Variants in BRDT observed in about 807,000 individuals in gnomAD.
The protein encoded by BRDT is bromodomain testis associated, also known as bromodomain testis-specific protein.
Under a neutral mutation model 113.9 loss-of-function variants are expected in BRDT, and 77 were observed. The observed-to-expected ratio is 0.68, with a 90% CI of 0.56 to 0.82. BRDT has a LOEUF of 0.82. BRDT is among the 40% of genes least tolerant of loss of function. The pLI is 0.00. For missense variants in BRDT, 1,027 were observed against 1,105.4 expected, an observed-to-expected ratio of 0.93 and a Z score of 1.01; for synonymous variants, 358 against 366.5, an observed-to-expected ratio of 0.98 and a Z score of 0.26.
At chr1:91,990,827 TC>T (rs1685683118) in intron 12 of BRDT, among the ~76,000 whole-genome samples, 1 of 152,218 alleles carries the variant, frequency 6.6e-6, no homozygotes, top group Admixed American at 6.5e-5. Context: ...AGACAGAGTC[TC>T]ACTCTCTTGC....
At chr1:91,962,055 G>A (rs35454709) in intron 1 of BRDT, among the ~76,000 whole-genome samples, 1 of 147,120 alleles carries the variant, frequency 6.8e-6, no homozygotes, top group Non-Finnish European at 1.5e-5. Flanking sequence ...GGAGGCAGGA[G>A]AATGGCGTGA....
chr1:91,983,094 A>G (rs1641439954), intron 12 of BRDT, among the ~76,000 whole-genome samples: 2 of 152,162 alleles, frequency 1.3e-5, no homozygotes, highest in African/African-American at 4.8e-5. Flanking sequence ...CAGAGTTTTC[A>G]ATAAAGTACC....
chr1:91,983,705 T>G (rs1239856427), intron 12 of BRDT, among the ~76,000 whole-genome samples: 1 of 151,788 alleles, frequency 6.6e-6, no homozygotes, highest in African/African-American at 2.4e-5. Context: ...TTTTTTTTTT[T>G]TGAGACGGAT....
intron 18 of BRDT, among the ~76,000 whole-genome samples, chr1:92,009,323 T>TTATA (rs148636201): frequency 1.3e-5 from 2 of 151,828 alleles, no homozygotes; most frequent in Non-Finnish European, 2.9e-5. Context: ...TAGTGTTCCA[T>TTATA]TATATATATA....
At chr1:91,972,015 T>TTTC (rs1553188019) in intron 4 of BRDT, among the ~76,000 whole-genome samples, 1 of 152,050 alleles carries the variant, frequency 6.6e-6, no homozygotes, top group African/African-American at 2.4e-5. Flanking sequence ...CCTTTTTTTT[T>TTTC]TTTCTTTCTT....
chr1:91,952,130 T>C (rs1342803422), intron 1 of BRDT: 1 of 152,204 alleles, frequency 6.6e-6, no homozygotes, highest in African/African-American at 2.4e-5. Flanking sequence ...AATGAACAAA[T>C]AGAATTTGGA....
intron 4 of BRDT, among the ~76,000 whole-genome samples, chr1:91,969,597 T>C (rs891647706): frequency 6.6e-5 from 10 of 152,116 alleles, no homozygotes; most frequent in African/African-American, 2.2e-4. Context: ...GTATTTAAAT[T>C]GTAAAACCAG....
chr1:91,981,393 T>C lies in BRDT; in HGVS notation c.1864+12T>C. On this transcript the variant is annotated intron_variant, in intron 11 of 18. Transcript: ENST00000399546. ...ACGTCAAACAAAATGTAGGTGGCAG[T>C]TTTTGTTTGTTTGTATGTATGTATG... 1.3e-6 allele frequency: 2 copies of C among 1,594,686 alleles called. No homozygotes were observed.
At chr1:91,968,510 A>T (rs940520285) in intron 4 of BRDT, among the ~76,000 whole-genome samples, 1 of 152,198 alleles carries the variant, frequency 6.6e-6, no homozygotes, top group Admixed American at 6.5e-5. Context: ...CCGTTCACAT[A>T]GTAGGGATTC....
At chr1:91,966,894 C>T (rs1683118131) in intron 3 of BRDT, among the ~76,000 whole-genome samples, 1 of 152,080 alleles carries the variant, frequency 6.6e-6, no homozygotes, top group Admixed American at 6.6e-5. Flanking sequence ...GATGGTGAAA[C>T]CCTGTCTCTA....
chr1:91,977,199 C>T lies in BRDT; in HGVS notation c.775C>T (p.Gln259Ter). 3 of 1,613,980 alleles carry T rather than the reference C, an allele frequency of 1.9e-6. No individual in the cohort carries two copies. The highest frequency in any genetic ancestry group is 2.5e-6 in the Non-Finnish European group (3 of 1,179,962). ...MPKNVLPDSQ[Q>*]QYNVVKTVKV... ...AAAGAATGTTTTGCCAGATTCTCAG[C>T]AACAATATAATGTTGTGAAGACTGT... is the stretch of plus-strand genomic sequence containing the variant. The change falls in exon 6 of 19, where the codon CAA becomes TAA. Residue 259 changes from glutamine (Q) to a stop codon, truncating the protein, a stop_gained. Transcript: ENST00000399546. LOFTEE classifies it high-confidence loss of function.
chr1:91,962,289 T>G lies in BRDT; in HGVS notation c.-37-429T>G, dbSNP rs947236386. ...GATTCCTTTGCCATTTGGCTTTTTT[T>G]TTTTTTCATCCTGTCTTAATCATGA... is the stretch of plus-strand genomic sequence containing the variant. On this transcript the variant is annotated intron_variant, in intron 1 of 18. Coordinates refer to ENST00000399546, the MANE Select transcript of BRDT (RefSeq NM_207189.4). Among the ~76,000 whole-genome samples the G allele has an allele frequency of 7.4e-4, 103 of 139,928 alleles. 4 individuals carry two copies. Among genetic ancestry groups the G allele is most frequent in the African/African-American group, 2.4e-3 (92 of 38,820 alleles). 91.8% of individuals were successfully genotyped at this position (139,928 alleles called of 152,430 possible).
chr1:91,977,454 G>T, intron 6 of BRDT, 61 bp downstream of exon 6: 1 of 1,294,416 alleles, frequency 7.7e-7, no homozygotes, highest in Admixed American at 2.5e-5. Flanking sequence ...ATTCATCATT[G>T]CAAAGAAATC....
chr1:91,979,011 A>AATC (rs1553189993), intron 7 of BRDT, among the ~76,000 whole-genome samples: 2 of 130,814 alleles, frequency 1.5e-5, no homozygotes, highest in Non-Finnish European at 3.1e-5. Context: ...AAAAAAAAAA[A>AATC]AACAACAACA....
intron 15 of BRDT, among the ~76,000 whole-genome samples, chr1:91,999,382 T>C (rs1214372079): frequency 3.3e-5 from 5 of 152,128 alleles, no homozygotes; most frequent in East Asian, 3.9e-4. Flanking sequence ...TGTAAAAATA[T>C]TTTTCAGAGA....
At chr1:91,986,205 T>C (rs1685224460) in intron 12 of BRDT, among the ~76,000 whole-genome samples, 1 of 152,206 alleles carries the variant, frequency 6.6e-6, no homozygotes, top group Non-Finnish European at 1.5e-5. Flanking sequence ...GCTGTGCTAG[T>C]ATGCACACAT....
rs1027436052 is a variant in BRDT at position 92,008,308 on chromosome 1, G to A, written c.2775+3009G>A. Among the ~76,000 whole-genome samples, 24 of 152,216 alleles carry A rather than the reference G, an allele frequency of 1.6e-4. 1 individual carries two copies. Among genetic ancestry groups the A allele is most frequent in the South Asian group, 4.1e-4 (2 of 4,828 alleles). ...TGAACATTTCTTATAGTCTGGGTCCGCTGGCAATAGTTCTTTCCACTTTTG... is the reference window on the plus strand; with the variant it reads ...TGAACATTTCTTATAGTCTGGGTCCACTGGCAATAGTTCTTTCCACTTTTG... On this transcript the variant is annotated intron_variant, in intron 18 of 18. Coordinates refer to ENST00000399546, the MANE Select transcript of BRDT (RefSeq NM_207189.4).
chr1:92,007,920 C>T (rs573733309), intron 18 of BRDT, among the ~76,000 whole-genome samples: 1 of 151,018 alleles, frequency 6.6e-6, no homozygotes, highest in Non-Finnish European at 1.5e-5. Flanking sequence ...TTCATTCATT[C>T]ATTCGTTTAT....
chr1:92,003,342 C>T (rs1687019968), intron 16 of BRDT, among the ~76,000 whole-genome samples: 1 of 152,098 alleles, frequency 6.6e-6, no homozygotes. Flanking sequence ...TGCAATCAAG[C>T]ATAATTATTA....
Sources: gnomAD v4.1 joint callset for allele counts (sites outside exome capture counted in the v4.1 genomes callset) on GRCh38, gnomAD v4.1.1 for gene constraint, MANE v1.5 for transcripts, NCBI Gene and HGNC (gene_info 2026-07-23, HGNC 2026-07-21) for gene names.